Variants in RNF212 observed in about 807,000 individuals in gnomAD.
The protein encoded by RNF212 is ring finger protein 212, also known as probable E3 SUMO-protein ligase RNF212.
Under a neutral mutation model 34.7 loss-of-function variants are expected in RNF212, and 33 were observed. The ratio of observed to expected loss-of-function variants is 0.95; its 90% confidence interval spans 0.72 to 1.27. The LOEUF (loss-of-function observed/expected upper bound fraction) is 1.27, where lower values mean the gene tolerates loss of function less well. Ranked by LOEUF, RNF212 falls within the 50% of genes most tolerant of loss-of-function variation. RNF212 has a pLI of 0.00. For missense variants in RNF212, 377 were observed against 362.2 expected (o/e 1.04, Z -0.33); for synonymous variants, 140 against 136.1 (o/e 1.03, Z -0.20).
chr4:1,081,655 TAA>T (rs1720370094), intron 5 of RNF212, 36 bp from the exon 6 acceptor site: 3 of 1,484,234 alleles, frequency 2.0e-6, no homozygotes, highest in African/African-American at 1.4e-5. Context: ...AATTAAATCA[TAA>T]AAACTGACTT....
chr4:1,089,968 G>A (rs56265368), intron 4 of RNF212, among the ~76,000 whole-genome samples: 7,804 of 152,174 alleles, frequency 0.051, 678 homozygotes, highest in African/African-American at 0.18. Flanking sequence ...AAGACAGACT[G>A]ATACAGGGTG....
intron 3 of RNF212, among the ~76,000 whole-genome samples, chr4:1,061,748 G>A (rs1717765371): frequency 6.6e-6 from 1 of 152,172 alleles, no homozygotes; most frequent in African/African-American, 2.4e-5. Context: ...TGCGGCTGCC[G>A]TGGACACAGA....
At chr4:1,079,224 C>T (rs1044100076) in intron 8 of RNF212, among the ~76,000 whole-genome samples, 12 of 151,518 alleles carry the variant, frequency 7.9e-5, no homozygotes, top group Admixed American at 1.3e-4. Flanking sequence ...CAACACAGGA[C>T]CAACATGGGA....
At position 1,073,027 on chromosome 4, in the gene RNF212, G is replaced by T. The variant is rs1338796808; in HGVS notation, c.741C>A (p.Leu247=). 1 of 1,614,150 alleles carries T rather than the reference G, an allele frequency of 6.2e-7. No individual in the cohort carries two copies. Among genetic ancestry groups the T allele is most frequent in the Non-Finnish European group, 8.5e-7 (1 of 1,180,012 alleles). The part of the protein sequence containing the change: ...LAFSSGRHGE[L]TNSKTLPIYA... ...ATATTGGAAGTGTTTTAGAGTTGGT[G>T]AGTTCCCCGTGCCTTCCAGAACTGA... Residue 247 remains leucine, a synonymous_variant, in exon 10 of 10, where the codon CTC becomes CTA. Transcript: ENST00000433731.
intron 3 of RNF212, among the ~76,000 whole-genome samples, chr4:1,091,849 C>T (rs572389873): frequency 9.2e-5 from 14 of 152,166 alleles, no homozygotes; most frequent in Non-Finnish European, 1.9e-4. Flanking sequence ...CTCCCCTACT[C>T]GACAAGGGGA....
intron 5 of RNF212, among the ~76,000 whole-genome samples, chr4:1,085,002 G>A (rs1489421000): frequency 6.6e-6 from 1 of 152,214 alleles, no homozygotes; most frequent in Non-Finnish European, 1.5e-5. Flanking sequence ...GCCATGCCAT[G>A]CTCAGCTGCC....
At chr4:1,094,724 T>C (rs1722776428) in intron 3 of RNF212, among the ~76,000 whole-genome samples, 1 of 152,116 alleles carries the variant, frequency 6.6e-6, no homozygotes, top group African/African-American at 2.4e-5. Flanking sequence ...GGAAGGACAG[T>C]GTCAAGAAGC....
intron 3 of RNF212, among the ~76,000 whole-genome samples, chr4:1,066,101 T>TC (rs1161532762): frequency 1.3e-5 from 2 of 151,270 alleles, no homozygotes; most frequent in African/African-American, 4.9e-5. Flanking sequence ...TTTTTTTTTT[T>TC]CTCTGTAGAT....
At chr4:1,093,823 G>A (rs1722597029) in intron 3 of RNF212, 1 of 1,536,316 alleles carries the variant, frequency 6.5e-7, no homozygotes, top group Non-Finnish European at 8.7e-7. Flanking sequence ...CCTGGATGGT[G>A]TTTCCCTGGG....
intron 4 of RNF212, among the ~76,000 whole-genome samples, chr4:1,057,925 G>C (rs1042168591): frequency 2.9e-4 from 44 of 152,206 alleles, no homozygotes; most frequent in Non-Finnish European, 5.6e-4. Context: ...GCCGAGTGTG[G>C]TGGCACATGC....
At chr4:1,058,308 G>T (rs988100705) in intron 4 of RNF212, 4 of 900,692 alleles carry the variant, frequency 4.4e-6, no homozygotes, top group Non-Finnish European at 5.3e-6. Flanking sequence ...AGGTGCTTGC[G>T]GGGGGGCACT....
At chr4:1,102,907 C>T (rs1361771322) in intron 2 of RNF212, among the ~76,000 whole-genome samples, 11 of 123,766 alleles carry the variant, frequency 8.9e-5, no homozygotes, top group African/African-American at 3.3e-4. Context: ...TTTGGGAGGC[C>T]GAGGCGGGTG....
rs1720005799 is a variant in RNF212 at position 1,079,659 on chromosome 4, GGA to G, written c.492_493del (p.Pro165PhefsTer4). 1 of 1,610,958 alleles carries G rather than the reference GGA, an allele frequency of 6.2e-7. No individual in the cohort carries two copies. The highest frequency in any genetic ancestry group is 8.5e-7 in the Non-Finnish European group (1 of 1,177,158). ...TGCACTTACTTTTCTAATCGGAGAAGGAGAGAGATCAACTTCCATCGACTCCA... is the reference window on the plus strand; with the variant it reads ...TGCACTTACTTTTCTAATCGGAGAAGGAGAGATCAACTTCCATCGACTCCA... On this transcript the variant is annotated frameshift_variant, in exon 8 of 10. Transcript: ENST00000433731. LOFTEE classifies it high-confidence loss of function.
downstream of RNF212, among the ~76,000 whole-genome samples, chr4:1,070,437 C>G (rs1281553811): frequency 2.9e-5 from 4 of 138,636 alleles, no homozygotes; most frequent in Non-Finnish European, 6.2e-5. Context: ...AGCGTGGACG[C>G]CTGGCCTGAG....
intron 8 of RNF212, among the ~76,000 whole-genome samples, chr4:1,074,662 C>G (rs192882242): frequency 6.6e-6 from 1 of 152,274 alleles, no homozygotes; most frequent in African/African-American, 2.4e-5. Flanking sequence ...TGGCATGGCC[C>G]TCTGAGCTGC....
At chr4:1,109,166 C>T (rs1420735204) in intron 1 of RNF212, among the ~76,000 whole-genome samples, 1 of 152,104 alleles carries the variant, frequency 6.6e-6, no homozygotes, top group African/African-American at 2.4e-5. Flanking sequence ...TGCCACCACA[C>T]CAGGCTAATT....
chr4:1,101,201 A>C (rs555373496), intron 2 of RNF212: 1 of 249,260 alleles, frequency 4.0e-6, no homozygotes, highest in South Asian at 5.9e-5. Flanking sequence ...TGGCACTCAC[A>C]GTGCAGTAGC....
At chr4:1,058,797 C>A (rs1384557914) in intron 3 of RNF212, among the ~76,000 whole-genome samples, 1 of 152,182 alleles carries the variant, frequency 6.6e-6, no homozygotes, top group Non-Finnish European at 1.5e-5. Context: ...GCGAGGGGAG[C>A]CTGCCCGTCA....
chr4:1,067,867 C>CAAA (rs1183457508), downstream of RNF212, among the ~76,000 whole-genome samples: 3 of 60,664 alleles, frequency 4.9e-5, no homozygotes, highest in African/African-American at 1.0e-4. Context: ...GACTCTGTCT[C>CAAA]AAAAAAAAAA....
Sources: allele counts gnomAD v4.1 joint callset (sites outside exome capture counted in the v4.1 genomes callset), GRCh38; gene constraint gnomAD v4.1.1; transcripts MANE v1.5; gene names NCBI Gene and HGNC (gene_info 2026-07-23, HGNC 2026-07-21).